RBFOX1: variants seen among roughly 807,000 people sequenced by gnomAD.
RBFOX1 encodes the protein RNA binding fox-1 homolog 1.
Under a neutral mutation model 57.7 loss-of-function variants are expected in RBFOX1, and 8 were observed. The ratio of observed to expected loss-of-function variants is 0.14; its 90% CI spans 0.08 to 0.25. RBFOX1 has a LOEUF of 0.25. RBFOX1 is among the 10% of genes least tolerant of loss of function. RBFOX1 has a pLI of 1.00. For missense variants in RBFOX1, 611 were observed against 548.5 expected (o/e 1.11, Z -1.14); for synonymous variants, 326 against 222.4 (o/e 1.47, Z -4.15).
At chr16:6,082,517 T>C (rs2096019185) in intron 1 of RBFOX1, among the ~76,000 whole-genome samples, 2 of 151,808 alleles carry the variant, frequency 1.3e-5, no homozygotes, top group South Asian at 2.1e-4. Context: ...TAATCCTCAG[T>C]AGGACAGCAA....
chr16:7,522,696 CAA>C (rs1395901707), intron 5 of RBFOX1, among the ~76,000 whole-genome samples: 1 of 151,614 alleles, frequency 6.6e-6, no homozygotes, highest in Non-Finnish European at 1.5e-5. Flanking sequence ...ACGTGGGGCA[CAA>C]AAGACAGGAA....
At chr16:6,146,137 CG>C (rs1302340564) in intron 1 of RBFOX1, among the ~76,000 whole-genome samples, 1 of 152,104 alleles carries the variant, frequency 6.6e-6, no homozygotes, top group African/African-American at 2.4e-5. Context: ...TATATCACCC[CG>C]AAAACAGCAA....
chr16:7,018,800 G>A (rs1207106243), intron 3 of RBFOX1, among the ~76,000 whole-genome samples: 73 of 118,182 alleles, frequency 6.2e-4, no homozygotes, highest in African/African-American at 2.4e-3. Flanking sequence ...AAAAAAAAAA[G>A]AAGAAATACA....
chr16:5,255,299 T>C (rs2062556634), intron 1 of RBFOX1, among the ~76,000 whole-genome samples: 1 of 151,550 alleles, frequency 6.6e-6, no homozygotes, highest in South Asian at 2.1e-4. Context: ...TGCTCATCTG[T>C]CCGCCTATCC....
At chr16:6,863,102 C>T (rs575307891) in intron 3 of RBFOX1, among the ~76,000 whole-genome samples, 1 of 151,992 alleles carries the variant, frequency 6.6e-6, no homozygotes, top group South Asian at 2.1e-4. Context: ...AGGATTTTTA[C>T]AGATTATTGG....
chr16:7,074,430 A>T (rs2057932644), intron 4 of RBFOX1, among the ~76,000 whole-genome samples: 1 of 152,244 alleles, frequency 6.6e-6, no homozygotes, highest in South Asian at 2.1e-4. Flanking sequence ...AACCTAATAA[A>T]ATTGACAGTA....
chr16:5,679,200 C>T (rs866555135), intron 3 of RBFOX1, among the ~76,000 whole-genome samples: 2 of 152,148 alleles, frequency 1.3e-5, no homozygotes, highest in Admixed American at 6.5e-5. Context: ...TCTGCAAGGG[C>T]GCATCTTCAT....
Position 6,937,522 on chromosome 16 carries a change from C to T in RBFOX1, c.-15-114535C>T, listed in dbSNP as rs183788210. Among the ~76,000 whole-genome samples the T allele has an allele frequency of 1.4e-3, 220 of 152,134 alleles. 1 individual carries two copies. The highest frequency in any genetic ancestry group is 2.3e-3 in the Non-Finnish European group (158 of 68,006). The stretch of plus-strand genomic sequence containing the variant: ...AGGAGTGACACAGACATCAGGAGAT[C>T]CTGAGAACACACACCCATAGTGGTC... On this transcript the variant is annotated intron_variant, in intron 3 of 15. Transcript: ENST00000550418.
At chr16:6,712,598 A>G (rs969156991) in intron 3 of RBFOX1, among the ~76,000 whole-genome samples, 1 of 152,204 alleles carries the variant, frequency 6.6e-6, no homozygotes, top group African/African-American at 2.4e-5. Flanking sequence ...GCAAGATAAT[A>G]TAATTTAATC....
intron 2 of RBFOX1, among the ~76,000 whole-genome samples, chr16:6,524,643 C>A (rs952143949): frequency 6.6e-6 from 1 of 152,152 alleles, no homozygotes; most frequent in Admixed American, 6.6e-5. Flanking sequence ...GTAGCACAGA[C>A]TTCTCTCACA....
chr16:7,211,123 G>T (rs1044139120), intron 4 of RBFOX1, among the ~76,000 whole-genome samples: 1 of 150,782 alleles, frequency 6.6e-6, no homozygotes, highest in African/African-American at 2.4e-5. Flanking sequence ...CGGGTGCTGT[G>T]GCTCACACCT....
In RBFOX1 at chr16:7,153,879, A is replaced by G. The variant is rs1482022879; in HGVS notation, c.27+101781A>G. ...TTTTGTTCTTGATACCAGGCAGGAA[A>G]GAGATAGAGGTAAATTGTTCTAGTT... On this transcript the variant is annotated intron_variant, in intron 4 of 15. Coordinates refer to ENST00000550418, the MANE Select transcript of RBFOX1 (RefSeq NM_018723.4). 2.6e-5 allele frequency among the ~76,000 whole-genome samples: 4 copies of G among 152,260 alleles called. No individual in the cohort carries two copies. In the South Asian group the frequency reaches 6.2e-4, roughly 24 times the overall value.
intron 5 of RBFOX1, among the ~76,000 whole-genome samples, chr16:7,557,639 A>G (rs1056569835): frequency 1.8e-4 from 18 of 98,172 alleles, no homozygotes; most frequent in East Asian, 5.9e-4. Flanking sequence ...AAAAAAAAAA[A>G]AAAGAAAAAG....
chr16:6,423,790 C>T (rs987322074), intron 2 of RBFOX1, among the ~76,000 whole-genome samples: 16 of 152,004 alleles, frequency 1.1e-4, no homozygotes, highest in African/African-American at 3.4e-4. Context: ...ACTGCAGGCC[C>T]AGGAAGGCCA....
intron 2 of RBFOX1, among the ~76,000 whole-genome samples, chr16:5,594,992 AAAAATT>A (rs2047135622): frequency 2.2e-5 from 3 of 138,820 alleles, no homozygotes; most frequent in African/African-American, 7.8e-5. Context: ...AAAAAAAAAA[AAAAATT>A]AGCCAGGTAT....
intron 3 of RBFOX1, among the ~76,000 whole-genome samples, chr16:6,906,221 C>T (rs1266186376): frequency 2.0e-5 from 3 of 148,294 alleles, no homozygotes; most frequent in Non-Finnish European, 1.5e-5. Context: ...TATGGGCAAC[C>T]CCAAAAAGCA....
chr16:5,896,137 A>T (rs987054512), intron 4 of RBFOX1, among the ~76,000 whole-genome samples: 11 of 152,102 alleles, frequency 7.2e-5, no homozygotes, highest in African/African-American at 2.7e-4. Flanking sequence ...CTGGAATCTG[A>T]TCCTGGATGG....
chr16:7,252,224 T>C (rs2094522593), intron 4 of RBFOX1, among the ~76,000 whole-genome samples: 3 of 152,200 alleles, frequency 2.0e-5, no homozygotes, highest in African/African-American at 7.2e-5. Context: ...TTTGTTTGTT[T>C]CCCCCATATC....
intron 4 of RBFOX1, among the ~76,000 whole-genome samples, chr16:5,988,663 A>C (rs576094217): frequency 6.6e-6 from 1 of 152,302 alleles, no homozygotes; most frequent in South Asian, 2.1e-4. Context: ...CCTGATCATG[A>C]GTGAGCTGGA....
Sources: gnomAD v4.1 joint callset for allele counts (sites outside exome capture counted in the v4.1 genomes callset) on GRCh38, gnomAD v4.1.1 for gene constraint, MANE v1.5 for transcripts, NCBI Gene and HGNC (gene_info 2026-07-23, HGNC 2026-07-21) for gene names.